The following FAM131C variants were observed in gnomAD, a reference collection of about 807,000 sequenced individuals.
FAM131C encodes the protein protein FAM131C.
Under a neutral mutation model 29.8 loss-of-function variants are expected in FAM131C, and 14 were observed. The ratio of observed to expected loss-of-function variants is 0.47; its 90% CI spans 0.31 to 0.73. The LOEUF (loss-of-function observed/expected upper bound fraction) is 0.73, where lower values mean the gene tolerates loss of function less well. Ranked by LOEUF, FAM131C falls within the 30% of genes least tolerant of loss-of-function variation. The probability of loss-of-function intolerance (pLI) is 0.05; values close to 1 mark genes in which losing one functional copy is unlikely to be tolerated. For synonymous variants in FAM131C, 86 were observed against 157.8 expected (o/e 0.54, Z 3.41); for missense variants, 252 against 383.8 (o/e 0.66, Z 2.87).
chr1:16,063,411 C>G, intron 2 of FAM131C, 110 bp downstream of exon 2: 1 of 833,734 alleles, frequency 1.2e-6, no homozygotes. Context: ...CAGGGAGAAG[C>G]GGGTTTGGCA....
At chr1:16,060,839 G>A (rs2023582683) in intron 4 of FAM131C, among the ~76,000 whole-genome samples, 1 of 152,164 alleles carries the variant, frequency 6.6e-6, no homozygotes, top group African/African-American at 2.4e-5. Flanking sequence ...GCAGGGTAAT[G>A]AGCAAGAGAG....
At chr1:16,069,896 G>A (rs2023730813) in intron 1 of FAM131C, among the ~76,000 whole-genome samples, 1 of 151,936 alleles carries the variant, frequency 6.6e-6, no homozygotes, top group Admixed American at 6.6e-5. Context: ...CAAATAGCTG[G>A]GACTACCAGC....
rs770230252 is a variant in FAM131C at position 16,063,617 on chromosome 1, G to A, written c.42C>T (p.His14=). ...CVSRDLFTSA[H]KNCPMPQGAD... is the part of the protein sequence containing the mutation. ...CACCCTGGGGCATGGGGCAGTTCTT[G>A]TGGGCACTTGTGAACAGGTCTGGAA... The change falls in exon 2 of 7, where the codon CAC becomes CAT. Residue 14 remains histidine, a synonymous_variant. Transcript: ENST00000375662. The A allele has an allele frequency of 1.1e-5, 17 of 1,611,872 alleles. No individual in the cohort carries two copies. The East Asian group carries it at 2.7e-4, about 25-fold the overall frequency.
At chr1:16,062,364 C>T in intron 3 of FAM131C, 135 bp downstream of exon 3, 1 of 1,385,636 alleles carries the variant, frequency 7.2e-7, no homozygotes, top group Non-Finnish European at 9.6e-7. Context: ...ACAACCCCCA[C>T]CCACTGTTTC....
At chr1:16,070,382 A>G (rs1414387341) in intron 1 of FAM131C, among the ~76,000 whole-genome samples, 3 of 152,182 alleles carry the variant, frequency 2.0e-5, no homozygotes, top group Admixed American at 2.0e-4. Context: ...TGTCCTCAGC[A>G]CCTCGAGTGC....
chr1:16,062,835 A>T (rs1220999912), intron 2 of FAM131C, among the ~76,000 whole-genome samples: 1 of 152,218 alleles, frequency 6.6e-6, no homozygotes, highest in Non-Finnish European at 1.5e-5. Context: ...ACAGCTCCGA[A>T]CACGTCTCTT....
intron 5 of FAM131C, 84 bp from the exon 6 acceptor site, chr1:16,059,688 G>A (rs1344486046): frequency 2.0e-6 from 2 of 980,594 alleles, no homozygotes; most frequent in African/African-American, 1.7e-5. Context: ...GGACAGGCGG[G>A]AGGGTGGCCA....
chr1:16,065,747 C>A (rs1363576848), intron 1 of FAM131C, among the ~76,000 whole-genome samples: 1 of 152,238 alleles, frequency 6.6e-6, no homozygotes, highest in Admixed American at 6.5e-5. Context: ...GACCACCCCA[C>A]TGCCTGGCTG....
At chr1:16,070,713 G>A (rs1295898226) in intron 1 of FAM131C, among the ~76,000 whole-genome samples, 1 of 152,170 alleles carries the variant, frequency 6.6e-6, no homozygotes, top group African/African-American at 2.4e-5. Context: ...TTGGGTACTG[G>A]TCTGAATGCC....
In FAM131C at chr1:16,063,818, C is replaced by G. The variant is rs1271296309; in HGVS notation, c.23-182G>C. Among the ~76,000 whole-genome samples the G allele has an allele frequency of 2.0e-5, 3 of 151,752 alleles. No homozygotes were observed. In the East Asian group the frequency reaches 5.8e-4, roughly 29 times the overall value. On this transcript the variant is annotated intron_variant, in intron 1 of 6. Transcript: ENST00000375662. ...AGCCAGATGCCCTCCTGCCTGTGCCCCTCAGCGGGAATTACTGGCCTCATC... is the reference window on the plus strand; with the variant it reads ...AGCCAGATGCCCTCCTGCCTGTGCCGCTCAGCGGGAATTACTGGCCTCATC...
Position 16,057,808 on chromosome 1 carries a change from T to C in FAM131C, c.*629A>G, listed in dbSNP as rs540304132. The C allele has an allele frequency of 6.0e-6, 1 of 166,266 alleles. No homozygotes were observed. The highest frequency in any genetic ancestry group is 1.7e-4 in the East Asian group (1 of 5,894). The allele number at this position is 166,266 out of a possible 1,614,324, so 10.3% of individuals were successfully genotyped here. The stretch of plus-strand genomic sequence containing the variant: ...ACCACTTTAATGTCCTCAGAGAACC[T>C]TGAGTGAGATGGGAGGGAGCCGCAA... On this transcript the variant is annotated 3_prime_UTR_variant, in exon 7 of 7. Transcript: ENST00000375662.
At chr1:16,061,863 C>T (rs2124126389) in intron 4 of FAM131C, among the ~76,000 whole-genome samples, 1 of 151,666 alleles carries the variant, frequency 6.6e-6, no homozygotes, top group South Asian at 2.1e-4. Flanking sequence ...AAACTCTGCC[C>T]CACCCCCTCA....
At position 16,063,528 on chromosome 1, in the gene FAM131C, A is replaced by G. The variant is rs768140840; in HGVS notation, c.131T>C (p.Ile44Thr). The G allele has an allele frequency of 4.4e-5, 71 of 1,613,080 alleles. No homozygotes were observed. The East Asian group carries it at 1.2e-3, about 26-fold the overall frequency. The part of the protein sequence containing the change: ...RTPTVAPDCV[I>T]GKDKQMDFCW... ...TGAGGAGCAGCCAGTTACCTTGCCA[A>G]TGACACAGTCTGGAGCCACGGTGGG... The change falls in exon 2 of 7, where the codon ATT (isoleucine) becomes ACT (threonine). Residue 44 changes from isoleucine (I) to threonine (T), a missense_variant. This residue lies in a region of FAM131C where 76 missense variants were observed against 62.8 expected (regional missense o/e 1.21). Coordinates refer to ENST00000375662, the MANE Select transcript of FAM131C (RefSeq NM_182623.3).
At chr1:16,063,412 G>C in intron 2 of FAM131C, 109 bp downstream of exon 2, 1 of 840,658 alleles carries the variant, frequency 1.2e-6, no homozygotes. Flanking sequence ...AGGGAGAAGC[G>C]GGTTTGGCAG....
chr1:16,066,998 C>T (rs555435713), intron 1 of FAM131C, among the ~76,000 whole-genome samples: 187 of 152,288 alleles, frequency 1.2e-3, no homozygotes, highest in African/African-American at 4.5e-3. Flanking sequence ...AGCCACAGAC[C>T]AGGGAGCGAG....
At position 16,059,519 on chromosome 1, in the gene FAM131C, G is replaced by A. The variant is rs2023557416; in HGVS notation, c.537C>T (p.Ser179=). 3 of 1,609,640 alleles carry A rather than the reference G, an allele frequency of 1.9e-6. No individual in the cohort carries two copies. Among genetic ancestry groups the A allele is most frequent in the South Asian group, 1.1e-5 (1 of 90,288 alleles). Residue 179 remains serine, a synonymous_variant, in exon 6 of 7, where the codon AGC becomes AGT. Coordinates refer to ENST00000375662, the MANE Select transcript of FAM131C (RefSeq NM_182623.3). ...LDEEELHPEN[S]PQGIVQLQDL... The stretch of plus-strand genomic sequence containing the variant: ...CTTGGAGCTGGACGATGCCTTGGGG[G>A]CTGTTCTCGGGGTGCAGCTCCTCTT...
chr1:16,058,460 C>T lies in FAM131C; in HGVS notation c.820G>A (p.Glu274Lys). Residue 274 changes from glutamate to lysine, a missense_variant, in exon 7 of 7, where the codon GAG becomes AAG. Glu to Lys is a moderately conservative substitution (Grantham distance 56, BLOSUM62 1). Around this residue, in one of 6 missense-constraint regions of FAM131C, gnomAD observed 42 missense variants for 51.7 expected, o/e 0.81. Coordinates refer to ENST00000375662, the MANE Select transcript of FAM131C (RefSeq NM_182623.3). ...PSMDSGSLWE[E>K]DEVFYN ...CCTCAGTTATAGAACACCTCGTCCT[C>T]CTCCCAGAGGGAGCCGCTGTCCATG... The T allele has an allele frequency of 6.8e-7, 1 of 1,476,400 alleles. No individual in the cohort carries two copies. Among genetic ancestry groups the T allele is most frequent in the Non-Finnish European group, 9.0e-7 (1 of 1,116,974 alleles). The allele number at this position is 1,476,400 out of a possible 1,614,324, so 91.5% of individuals were successfully genotyped here. A position where few individuals can be genotyped will look rare whatever the true frequency, so the allele number is the denominator to read the frequency against.
rs151145691 is a variant in FAM131C at position 16,067,390 on chromosome 1, C to T, written c.23-3754G>A. Among the ~76,000 whole-genome samples the T allele has an allele frequency of 6.7e-3, 1,019 of 152,230 alleles. 11 individuals carry two copies. Among genetic ancestry groups the T allele is most frequent in the African/African-American group, 0.023 (944 of 41,544 alleles). On this transcript the variant is annotated intron_variant, in intron 1 of 6. Transcript: ENST00000375662. The stretch of plus-strand genomic sequence containing the variant: ...GGGCTGGGAGGCAGCCCGAAGGGAC[C>T]GCTAGCACCTGCTCCTGTGGCTCCC...
At chr1:16,063,679 C>T (rs2023638151) in intron 1 of FAM131C, 43 bp from the exon 2 acceptor site, 8 of 1,384,528 alleles carry the variant, frequency 5.8e-6, no homozygotes, top group Non-Finnish European at 8.0e-6. Flanking sequence ...AAGCCCAGCC[C>T]TCTCTTGCTT....
Sources: gnomAD v4.1 joint callset for allele counts (sites outside exome capture counted in the v4.1 genomes callset) on GRCh38, gnomAD v4.1.1 for gene constraint, gnomAD v4.1.1 regional missense constraint, MANE v1.5 for transcripts, NCBI Gene and HGNC (gene_info 2026-07-23, HGNC 2026-07-21) for gene names.